HMGCLL1: variants seen among roughly 807,000 people sequenced by gnomAD.
The protein encoded by HMGCLL1 is 3-hydroxy-3-methylglutaryl-CoA lyase like 1, also known as 3-hydroxymethyl-3-methylglutaryl-CoA lyase, cytoplasmic.
Under a neutral mutation model 39.1 loss-of-function variants are expected in HMGCLL1, and 36 were observed. That is an observed-to-expected ratio of 0.92 (90% confidence interval 0.71 to 1.22). HMGCLL1 has a LOEUF of 1.22. Ranked by LOEUF, HMGCLL1 falls within the 50% of genes most tolerant of loss-of-function variation. The pLI is 0.00. For synonymous variants in HMGCLL1, 149 were observed against 144.0 expected (o/e 1.03, Z -0.25); for missense variants, 451 against 416.5 (o/e 1.08, Z -0.72).
the HMGCLL1 span, among the ~76,000 whole-genome samples, chr6:55,650,600 C>T: frequency 1.3e-5 from 2 of 151,974 alleles, no homozygotes; most frequent in African/African-American, 2.4e-5. Flanking sequence ...GTTACCTTGC[C>T]TTGTCAAGGT....
chr6:55,474,767 T>C (rs1419994247), intron 7 of HMGCLL1, among the ~76,000 whole-genome samples: 1 of 151,558 alleles, frequency 6.6e-6, no homozygotes, highest in Non-Finnish European at 1.5e-5. Flanking sequence ...AAGTGTGAGA[T>C]TATATGTTTA....
the HMGCLL1 span, among the ~76,000 whole-genome samples, chr6:55,637,229 A>G: frequency 6.6e-6 from 1 of 152,192 alleles, no homozygotes; most frequent in Admixed American, 6.6e-5. Flanking sequence ...CACAGTCTCC[A>G]TTCTACAGAA....
chr6:55,441,141 A>C (rs768995239), intron 7 of HMGCLL1, among the ~76,000 whole-genome samples: 4 of 152,094 alleles, frequency 2.6e-5, no homozygotes, highest in Non-Finnish European at 5.9e-5. Flanking sequence ...TTTATAGCCA[A>C]GGAGTGGGGT....
intron 7 of HMGCLL1, among the ~76,000 whole-genome samples, chr6:55,467,855 A>T (rs2127400852): frequency 6.6e-6 from 1 of 152,184 alleles, no homozygotes; most frequent in Admixed American, 6.6e-5. Context: ...CTGATATGTA[A>T]ATAAGCAGTG....
the HMGCLL1 span, among the ~76,000 whole-genome samples, chr6:55,612,324 T>C: frequency 1.3e-5 from 2 of 152,026 alleles, no homozygotes; most frequent in Non-Finnish European, 2.9e-5. Flanking sequence ...AAAAACATTA[T>C]ATCCTTGTGG....
chr6:55,455,145 G>T (rs1389697341), intron 7 of HMGCLL1, among the ~76,000 whole-genome samples: 2 of 151,926 alleles, frequency 1.3e-5, no homozygotes, highest in African/African-American at 4.8e-5. Flanking sequence ...AATATTTTAT[G>T]ATATTACTTA....
chr6:55,514,337 A>T (rs1239835007), intron 4 of HMGCLL1, 141 bp from the exon 5 acceptor site: 2 of 583,018 alleles, frequency 3.4e-6, no homozygotes, highest in East Asian at 6.1e-5. Flanking sequence ...GATTCCTCTC[A>T]TCTTGCCACA....
intron 3 of HMGCLL1, among the ~76,000 whole-genome samples, chr6:55,530,772 T>C (rs115907878): frequency 0.022 from 3,398 of 152,260 alleles, 73 homozygotes; most frequent in Admixed American, 0.036. Flanking sequence ...ATAGTACTTC[T>C]AGAGAACTTT....
chr6:55,494,126 GT>G lies in HMGCLL1; in HGVS notation c.795+1292del, dbSNP rs772032618. On this transcript the variant is annotated intron_variant, in intron 7 of 8. Transcript: ENST00000274901. Reference sequence around the variant, plus strand: ...AAAACCGCATTGGGGTATTAGCAATGTTTTGTTACTTGGGCATTTTCAAGAG... The same window carrying G: ...AAAACCGCATTGGGGTATTAGCAATGTTTGTTACTTGGGCATTTTCAAGAG... Among the ~76,000 whole-genome samples, 95 of 152,232 alleles carry G rather than the reference GT, an allele frequency of 6.2e-4. 1 individual carries two copies. The highest frequency in any genetic ancestry group is 4.6e-4 in the Admixed American group (7 of 15,286).
chr6:55,497,560 A>G (rs1766645565), intron 6 of HMGCLL1, among the ~76,000 whole-genome samples: 1 of 152,158 alleles, frequency 6.6e-6, no homozygotes, highest in Non-Finnish European at 1.5e-5. Flanking sequence ...TCAAGTGAGG[A>G]TAGATCTTAG....
chr6:55,609,562 A>C, the HMGCLL1 span, among the ~76,000 whole-genome samples: 2 of 152,124 alleles, frequency 1.3e-5, no homozygotes, highest in Non-Finnish European at 2.9e-5. Flanking sequence ...GGGTAACCAT[A>C]GCCTCCATGG....
intron 7 of HMGCLL1, among the ~76,000 whole-genome samples, chr6:55,470,833 C>A (rs1362083083): frequency 2.0e-5 from 3 of 151,686 alleles, no homozygotes; most frequent in East Asian, 3.9e-4. Context: ...GGAGAGAGAG[C>A]ATGAAGAGGG....
At chr6:55,603,575 G>A in the HMGCLL1 span, among the ~76,000 whole-genome samples, 5 of 152,148 alleles carry the variant, frequency 3.3e-5, no homozygotes, top group South Asian at 2.1e-4. Flanking sequence ...TTATTCACTC[G>A]AGGATTTGGG....
chr6:55,590,284 TA>T, the HMGCLL1 span, among the ~76,000 whole-genome samples: 155 of 146,366 alleles, frequency 1.1e-3, no homozygotes, highest in African/African-American at 2.4e-3. Context: ...ACAAACCTAA[TA>T]AAAAAAAAAT....
In HMGCLL1 at chr6:55,491,716, A is replaced by G. The variant is rs529220945; in HGVS notation, c.795+3703T>C. On this transcript the variant is annotated intron_variant, in intron 7 of 8. Coordinates refer to ENST00000274901, the MANE Select transcript of HMGCLL1 (RefSeq NM_001042406.2). ...CTAAATTTTTACATTAAAAATTCAGATAAGTTTATTGGGCCACATCCGTTT... is the reference window on the plus strand; with the variant it reads ...CTAAATTTTTACATTAAAAATTCAGGTAAGTTTATTGGGCCACATCCGTTT... 3.3e-5 allele frequency among the ~76,000 whole-genome samples: 5 copies of G among 152,244 alleles called. No individual in the cohort carries two copies. The East Asian group carries it at 5.8e-4, about 18-fold the overall frequency.
At chr6:55,527,481 A>G (rs1768383945) in intron 3 of HMGCLL1, among the ~76,000 whole-genome samples, 1 of 152,050 alleles carries the variant, frequency 6.6e-6, no homozygotes, top group Non-Finnish European at 1.5e-5. Context: ...TACTTCGATA[A>G]AGGAAAGCTA....
At chr6:55,631,457 A>G in the HMGCLL1 span, among the ~76,000 whole-genome samples, 2 of 152,094 alleles carry the variant, frequency 1.3e-5, no homozygotes, top group Non-Finnish European at 2.9e-5. Context: ...AATGCCAAAA[A>G]GACACCAAGA....
the HMGCLL1 span, among the ~76,000 whole-genome samples, chr6:55,662,547 G>A: frequency 6.6e-6 from 1 of 151,824 alleles, no homozygotes; most frequent in Non-Finnish European, 1.5e-5. Flanking sequence ...TGATCATGGT[G>A]GAGTAGCTTT....
intron 1 of HMGCLL1, among the ~76,000 whole-genome samples, chr6:55,572,591 T>A (rs1771563910): frequency 6.6e-6 from 1 of 152,134 alleles, no homozygotes; most frequent in African/African-American, 2.4e-5. Flanking sequence ...AGGCAGATAA[T>A]CTTTTTATTC....
Sources: gnomAD v4.1 joint callset for allele counts (sites outside exome capture counted in the v4.1 genomes callset) on GRCh38, gnomAD v4.1.1 for gene constraint, MANE v1.5 for transcripts, NCBI Gene and HGNC (gene_info 2026-07-23, HGNC 2026-07-21) for gene names.